DGLUCY: variants seen among roughly 807,000 people sequenced by gnomAD.
DGLUCY encodes the protein D-glutamate cyclase, also known as D-glutamate cyclase, mitochondrial.
DGLUCY carries 58 observed loss-of-function variants against 58.5 expected under a neutral mutation model. The observed-to-expected ratio is 0.99, with a 90% CI of 0.80 to 1.23. The LOEUF (loss-of-function observed/expected upper bound fraction) is 1.23, where lower values mean the gene tolerates loss of function less well. DGLUCY is among the 50% of genes most tolerant of loss of function. DGLUCY has a pLI of 0.00. For synonymous variants in DGLUCY, 325 were observed against 314.1 expected, an observed-to-expected ratio of 1.03 and a Z score of -0.37; for missense variants, 779 against 784.7, an observed-to-expected ratio of 0.99 and a Z score of 0.09.
chr14:91,118,288 T>G (rs775431686), intron 1 of DGLUCY, among the ~76,000 whole-genome samples: 12 of 151,846 alleles, frequency 7.9e-5, no homozygotes, highest in Non-Finnish European at 1.8e-4. Context: ...GAGCCAGGGT[T>G]TCACCATGTT....
chr14:91,135,666 A>AAC (rs1186181338), intron 1 of DGLUCY, among the ~76,000 whole-genome samples: 4 of 150,804 alleles, frequency 2.7e-5, no homozygotes, highest in African/African-American at 7.3e-5. Context: ...AAAAAAAAAA[A>AAC]AAAAAAAACA....
chr14:91,116,686 C>A (rs2044971358), intron 1 of DGLUCY, among the ~76,000 whole-genome samples: 1 of 152,114 alleles, frequency 6.6e-6, no homozygotes, highest in African/African-American at 2.4e-5. Flanking sequence ...TGGCTCATGC[C>A]TGAAATCCCA....
chr14:91,219,486 G>A (rs1887110667), intron 13 of DGLUCY, among the ~76,000 whole-genome samples: 1 of 152,258 alleles, frequency 6.6e-6, no homozygotes, highest in African/African-American at 2.4e-5. Flanking sequence ...CAGAGATGCT[G>A]GGCAGAGCTG....
chr14:91,215,321 G>A, intron 12 of DGLUCY, 84 bp from the exon 13 acceptor site: 1 of 1,530,046 alleles, frequency 6.5e-7, no homozygotes, highest in South Asian at 1.3e-5. Context: ...GACCAGTCCT[G>A]CAGATAGTTC....
intron 9 of DGLUCY, among the ~76,000 whole-genome samples, chr14:91,195,921 T>C (rs1335708153): frequency 2.6e-5 from 4 of 152,152 alleles, no homozygotes; most frequent in East Asian, 1.9e-4. Flanking sequence ...CCGCCCACCT[T>C]GGCCTCCCAA....
chr14:91,155,012 C>A (rs569200298), intron 1 of DGLUCY, among the ~76,000 whole-genome samples: 1 of 152,326 alleles, frequency 6.6e-6, no homozygotes, highest in South Asian at 2.1e-4. Flanking sequence ...GCCTAGAGGG[C>A]CTTCTCCCTC....
At chr14:91,098,248 G>C (rs1328274637) in intron 1 of DGLUCY, among the ~76,000 whole-genome samples, 1 of 152,040 alleles carries the variant, frequency 6.6e-6, no homozygotes, top group Non-Finnish European at 1.5e-5. Context: ...CTTGAGCCCA[G>C]GAGTTAGAGA....
At chr14:91,124,479 A>G (rs111719566) in intron 1 of DGLUCY, among the ~76,000 whole-genome samples, 3,714 of 152,322 alleles carry the variant, frequency 0.024, 68 homozygotes, top group South Asian at 0.047. Context: ...AATTCATGGC[A>G]GATTAGGCTT....
At chr14:91,207,161 G>GAAAAAAAA (rs56355078) in intron 12 of DGLUCY, among the ~76,000 whole-genome samples, 32,031 of 82,644 alleles carry the variant, frequency 0.39, 7,949 homozygotes, top group East Asian at 0.74. Flanking sequence ...ACTGTCTCAG[G>GAAAAAAAA]AAAAAAAAAA....
chr14:91,224,693 A>G lies in DGLUCY; in HGVS notation c.1726A>G (p.Met576Val). The G allele has an allele frequency of 2.5e-6, 4 of 1,594,128 alleles. No homozygotes were observed. The South Asian group carries it at 3.3e-5, about 13-fold the overall frequency. The change falls in exon 14 of 14, where the codon ATG (methionine) becomes GTG (valine). Residue 576 changes from methionine to valine, a missense_variant. Physicochemically the swap from Met to Val is conservative, Grantham distance 21 (BLOSUM62 1). Transcript: ENST00000256324. ...ALPSVIKEEK[M>V]LGILVQHKVR... ...CCCTATTTTTTTCCAGGAAGAAAAA[A>G]TGCTGGGCATCTTGGTGCAGCACAA...
intron 5 of DGLUCY, 41 bp downstream of exon 5, chr14:91,170,242 G>C (rs750693104): frequency 1.1e-5 from 18 of 1,589,964 alleles, no homozygotes; most frequent in Non-Finnish European, 1.5e-5. Flanking sequence ...AGAATGGCCT[G>C]AAGATGCAGA....
At chr14:91,092,492 A>G (rs2044328578) in intron 1 of DGLUCY, among the ~76,000 whole-genome samples, 1 of 152,234 alleles carries the variant, frequency 6.6e-6, no homozygotes, top group South Asian at 2.1e-4. Flanking sequence ...TAGATTGAGA[A>G]GACACTTGAT....
At chr14:91,159,568 T>C (rs2047861515) in intron 2 of DGLUCY, among the ~76,000 whole-genome samples, 1 of 152,216 alleles carries the variant, frequency 6.6e-6, no homozygotes, top group South Asian at 2.1e-4. Flanking sequence ...CTTTTAATTG[T>C]GATTTAAAAA....
chr14:91,200,948 A>C (rs1057095067), intron 11 of DGLUCY, among the ~76,000 whole-genome samples: 12 of 141,478 alleles, frequency 8.5e-5, no homozygotes, highest in African/African-American at 3.2e-4. Flanking sequence ...CACAAAGTAC[A>C]TTCTCAAGGG....
upstream of DGLUCY, among the ~76,000 whole-genome samples, chr14:91,103,120 A>G (rs1362767467): frequency 6.6e-6 from 1 of 151,970 alleles, no homozygotes; most frequent in East Asian, 1.9e-4. Context: ...CTCAGGCCCA[A>G]GGGAGAGCAA....
At chr14:91,212,542 A>G (rs1396112390) in intron 12 of DGLUCY, among the ~76,000 whole-genome samples, 4 of 152,174 alleles carry the variant, frequency 2.6e-5, no homozygotes, top group Non-Finnish European at 5.9e-5. Context: ...ATTGAATATA[A>G]GATGTCATTG....
At chr14:91,168,903 G>A (rs1296422659) in intron 4 of DGLUCY, among the ~76,000 whole-genome samples, 2 of 152,138 alleles carry the variant, frequency 1.3e-5, no homozygotes, top group African/African-American at 2.4e-5. Context: ...CCTGGCCAAC[G>A]CGGTGAAACG....
intron 9 of DGLUCY, among the ~76,000 whole-genome samples, chr14:91,189,628 C>G (rs924377986): frequency 6.6e-6 from 1 of 152,102 alleles, no homozygotes; most frequent in Admixed American, 6.6e-5. Flanking sequence ...GTTGGAGACG[C>G]GAGGCTGTAA....
chr14:91,220,462 A>C, intron 13 of DGLUCY: 2 of 456,274 alleles, frequency 4.4e-6, no homozygotes, highest in South Asian at 3.1e-5. Flanking sequence ...GGCAGGTGTC[A>C]GGGTGTCCCT....
Sources: gnomAD v4.1 joint callset for allele counts (sites outside exome capture counted in the v4.1 genomes callset) on GRCh38, gnomAD v4.1.1 for gene constraint, MANE v1.5 for transcripts, NCBI Gene and HGNC (gene_info 2026-07-23, HGNC 2026-07-21) for gene names.